COG3: variants seen among roughly 807,000 people sequenced by gnomAD.
COG3 encodes component of oligomeric golgi complex 3, also known as conserved oligomeric Golgi complex subunit 3.
Under a neutral mutation model 114.1 loss-of-function variants are expected in COG3, and 32 were observed. The observed-to-expected ratio is 0.28, with a 90% CI of 0.21 to 0.38. The LOEUF is 0.38. Among genes scored for constraint, COG3 ranks in the 10% least tolerant of loss-of-function variants. COG3 has a pLI of 1.00. For missense variants in COG3, 813 were observed against 973.2 expected (o/e 0.84, Z 2.19); for synonymous variants, 352 against 365.7 (o/e 0.96, Z 0.43).
chr13:45,520,290 A>AAAAAAAT (rs1555299494), intron 19 of COG3, among the ~76,000 whole-genome samples: 27 of 130,424 alleles, frequency 2.1e-4, no homozygotes, highest in Admixed American at 3.6e-4. Flanking sequence ...TGTCTCAAAA[A>AAAAAAAT]AAAAATAAAA....
At chr13:45,507,879 C>T (rs149292705) in intron 14 of COG3, among the ~76,000 whole-genome samples, 1 of 150,298 alleles carries the variant, frequency 6.7e-6, no homozygotes, top group African/African-American at 2.4e-5. Flanking sequence ...ACCATCCTGA[C>T]CAACATGGTG....
At chr13:45,490,134 T>C (rs541908197) in intron 8 of COG3, among the ~76,000 whole-genome samples, 43 of 152,218 alleles carry the variant, frequency 2.8e-4, no homozygotes, top group Non-Finnish European at 5.9e-4. Context: ...GGGTGACTTT[T>C]GTCTGTCATA....
At chr13:45,514,544 ATC>A (rs1871330800) in intron 16 of COG3, among the ~76,000 whole-genome samples, 1 of 152,140 alleles carries the variant, frequency 6.6e-6, no homozygotes, top group Non-Finnish European at 1.5e-5. Flanking sequence ...ATCCTCTTTT[ATC>A]TAATTCTGTT....
At chr13:45,465,310 C>T (rs1885065820) in intron 1 of COG3, 100 bp downstream of exon 1, 10 of 1,462,476 alleles carry the variant, frequency 6.8e-6, no homozygotes, top group South Asian at 1.4e-5. Context: ...CCCAGGATAT[C>T]TCTCCACTCC....
At chr13:45,487,412 T>G (rs2985957) in intron 8 of COG3, among the ~76,000 whole-genome samples, 136,282 of 152,218 alleles carry the variant, frequency 0.9, 61,125 homozygotes, top group African/African-American at 0.92. Flanking sequence ...AATCTTAAAA[T>G]CTTCTGCCCA....
In COG3 at chr13:45,475,492, C is replaced by T. The variant is rs112048455; in HGVS notation, c.175-709C>T. Among the ~76,000 whole-genome samples the T allele has an allele frequency of 7.9e-3, 1,197 of 152,266 alleles. 13 individuals are homozygous for T. The highest frequency in any genetic ancestry group is 0.013 in the Non-Finnish European group (867 of 68,028). Reference sequence around the variant, plus strand: ...GTGCTGGGATTACAGGCGTGAGCCACTGAACCCGGTCATTGGGTGTGATTT... The same window carrying T: ...GTGCTGGGATTACAGGCGTGAGCCATTGAACCCGGTCATTGGGTGTGATTT... On this transcript the variant is annotated intron_variant, in intron 1 of 22. Transcript: ENST00000349995.
Position 45,529,779 on chromosome 13 carries a change from C to G in COG3, c.2231-12C>G. 1 of 1,598,022 alleles carries G rather than the reference C, an allele frequency of 6.3e-7. No individual in the cohort carries two copies. The highest frequency in any genetic ancestry group is 8.5e-7 in the Non-Finnish European group (1 of 1,170,930). ...TTTCTTTATGACACTAATGAGGTTACTTTATTTCCAGCAAAGGTCAATGAC... is the reference window on the plus strand; with the variant it reads ...TTTCTTTATGACACTAATGAGGTTAGTTTATTTCCAGCAAAGGTCAATGAC... On this transcript the variant is annotated splice_polypyrimidine_tract_variant and intron_variant, in intron 20 of 22. Coordinates refer to ENST00000349995, the MANE Select transcript of COG3 (RefSeq NM_031431.4).
At chr13:45,492,314 C>G (rs1460316271) in intron 11 of COG3, 64 bp downstream of exon 11, 5 of 887,502 alleles carry the variant, frequency 5.6e-6, no homozygotes, top group Non-Finnish European at 9.1e-6. Context: ...CATAATGAAT[C>G]AGTATATTAT....
At chr13:45,505,320 G>GTTTTT (rs1870013863) in intron 14 of COG3, among the ~76,000 whole-genome samples, 1 of 131,764 alleles carries the variant, frequency 7.6e-6, no homozygotes. Context: ...TTTTTTTTGA[G>GTTTTT]AGACAGAGTC....
At chr13:45,479,127 A>G (rs1886093035) in intron 3 of COG3, 61 bp downstream of exon 3, 1 of 1,187,344 alleles carries the variant, frequency 8.4e-7, no homozygotes, top group Admixed American at 2.1e-5. Context: ...CATCTGAAGC[A>G]TTTCATAATC....
chr13:45,473,778 T>C (rs1299938519), intron 1 of COG3, among the ~76,000 whole-genome samples: 1 of 152,192 alleles, frequency 6.6e-6, no homozygotes, highest in East Asian at 1.9e-4. Flanking sequence ...ATTAGAAGGG[T>C]TCTGCAGAGC....
chr13:45,498,796 T>TTTC (rs139844993), intron 13 of COG3, among the ~76,000 whole-genome samples: 1 of 146,564 alleles, frequency 6.8e-6, no homozygotes. Flanking sequence ...TTTTTTTTTT[T>TTTC]TTCAAATTGT....
At chr13:45,529,679 TAAAG>T (rs1872995957) in intron 20 of COG3, 108 bp from the exon 21 acceptor site, 4 of 713,820 alleles carry the variant, frequency 5.6e-6, no homozygotes, top group South Asian at 4.4e-5. Context: ...TTTGGGGAAA[TAAAG>T]AGTCTTTTCT....
chr13:45,472,837 G>A (rs1885606647), intron 1 of COG3, among the ~76,000 whole-genome samples: 1 of 152,192 alleles, frequency 6.6e-6, no homozygotes, highest in East Asian at 1.9e-4. Context: ...TCTGAGTCTG[G>A]CTCTGTTGAT....
chr13:45,469,644 G>A (rs988530422), intron 1 of COG3, among the ~76,000 whole-genome samples: 3 of 152,164 alleles, frequency 2.0e-5, no homozygotes, highest in Non-Finnish European at 4.4e-5. Flanking sequence ...AAGTAAGTAA[G>A]AGTGTATATA....
intron 16 of COG3, among the ~76,000 whole-genome samples, chr13:45,513,008 A>C (rs931634362): frequency 6.6e-6 from 1 of 151,440 alleles, no homozygotes; most frequent in African/African-American, 2.4e-5. Context: ...TTTCCCAGGA[A>C]GTAGAGCATG....
chr13:45,530,043 A>C, intron 21 of COG3, 125 bp downstream of exon 21: 2 of 1,020,120 alleles, frequency 2.0e-6, no homozygotes, highest in Non-Finnish European at 2.7e-6. Flanking sequence ...GAAGTTGAAT[A>C]ATCACTATGA....
chr13:45,521,889 G>T (rs1445661668), intron 19 of COG3, among the ~76,000 whole-genome samples: 1 of 146,542 alleles, frequency 6.8e-6, no homozygotes, highest in African/African-American at 2.6e-5. Flanking sequence ...TGCAACCTCT[G>T]CCTCCCGGGT....
chr13:45,534,657 G>T, intron 22 of COG3, 45 bp from the exon 23 acceptor site: 1 of 1,440,138 alleles, frequency 6.9e-7, no homozygotes. Context: ...CTTGAGGACG[G>T]TATTCCATAG....
Sources: gnomAD v4.1 joint callset for allele counts (sites outside exome capture counted in the v4.1 genomes callset) on GRCh38, gnomAD v4.1.1 for gene constraint, MANE v1.5 for transcripts, NCBI Gene and HGNC (gene_info 2026-07-23, HGNC 2026-07-21) for gene names.